UNC13B: variants seen among roughly 807,000 people sequenced by gnomAD.
UNC13B encodes the protein unc-13 homolog B.
In UNC13B, 144 loss-of-function variants were observed where a neutral mutation model predicts 211.0. The observed-to-expected ratio is 0.68, with a 90% CI of 0.60 to 0.78. The LOEUF (loss-of-function observed/expected upper bound fraction) is 0.78. Among genes scored for constraint, UNC13B ranks in the 30% least tolerant of loss-of-function variants. The pLI is 0.00. For synonymous variants in UNC13B, 709 were observed against 725.8 expected (o/e 0.98, Z 0.37); for missense variants, 1,777 against 2,002.0 (o/e 0.89, Z 2.14).
chr9:35,366,740 C>T (rs1364600919), intron 11 of UNC13B, among the ~76,000 whole-genome samples: 4 of 152,144 alleles, frequency 2.6e-5, no homozygotes, highest in African/African-American at 9.7e-5. Flanking sequence ...ATCTCCTATT[C>T]ACCAAGGAGA....
At chr9:35,180,281 G>T (rs1443209599) in intron 1 of UNC13B, among the ~76,000 whole-genome samples, 1 of 151,878 alleles carries the variant, frequency 6.6e-6, no homozygotes, top group East Asian at 1.9e-4. Flanking sequence ...CAAGGACAGG[G>T]TAGCATATTT....
chr9:35,354,181 A>T (rs1474687883), intron 11 of UNC13B, among the ~76,000 whole-genome samples: 2 of 152,196 alleles, frequency 1.3e-5, no homozygotes, highest in Non-Finnish European at 2.9e-5. Flanking sequence ...GGTGGGAGTG[A>T]GAGGCAGGAG....
At chr9:35,166,108 G>A (rs758264530) in intron 1 of UNC13B, among the ~76,000 whole-genome samples, 5 of 152,016 alleles carry the variant, frequency 3.3e-5, no homozygotes, top group East Asian at 1.9e-4. Context: ...CAGGCCAGTC[G>A]TGGTGGCTCT....
Position 35,370,382 on chromosome 9 carries a change from C to CT in UNC13B, c.9528dup (p.Val3177CysfsTer3). 1 of 1,613,916 alleles carries CT rather than the reference C, an allele frequency of 6.2e-7. No homozygotes were observed. Among genetic ancestry groups the CT allele is most frequent in the Non-Finnish European group, 8.5e-7 (1 of 1,179,964 alleles). Reference sequence around the variant, plus strand: ...TTTACGCAGAAAGAAGCCACTGCCACTTGTCAGTGATCTGGTGAGTGAAGA... The same window carrying CT: ...TTTACGCAGAAAGAAGCCACTGCCACTTTGTCAGTGATCTGGTGAGTGAAGA... On this transcript the variant is annotated frameshift_variant, in exon 13 of 40. Coordinates refer to ENST00000635942, the MANE Select transcript of UNC13B (RefSeq NM_001371189.2). LOFTEE classifies it high-confidence loss of function.
chr9:35,397,577 A>T, intron 29 of UNC13B, 58 bp from the exon 30 acceptor site: 2 of 1,556,146 alleles, frequency 1.3e-6, no homozygotes, highest in Non-Finnish European at 1.7e-6. Context: ...CTCAGGCAAG[A>T]TCCCCATAGA....
chr9:35,288,206 T>C (rs967372158), intron 7 of UNC13B, among the ~76,000 whole-genome samples: 2 of 152,148 alleles, frequency 1.3e-5, no homozygotes, highest in African/African-American at 2.4e-5. Context: ...CAGTCCTTTC[T>C]ACCCAACCAA....
chr9:35,184,491 C>T (rs1021293368), intron 1 of UNC13B, among the ~76,000 whole-genome samples: 6 of 152,128 alleles, frequency 3.9e-5, no homozygotes, highest in Non-Finnish European at 8.8e-5. Context: ...GCAGATCACT[C>T]GAGGTCAGGA....
chr9:35,203,443 T>C (rs1460588578), intron 1 of UNC13B, among the ~76,000 whole-genome samples: 1 of 152,250 alleles, frequency 6.6e-6, no homozygotes, highest in African/African-American at 2.4e-5. Context: ...TATGAAATTC[T>C]GGGTTGAAAA....
chr9:35,310,526 T>A lies in UNC13B; in HGVS notation c.9068T>A (p.Leu3023Gln). The A allele has an allele frequency of 6.2e-7, 1 of 1,614,134 alleles. No individual in the cohort carries two copies. The highest frequency in any genetic ancestry group is 1.1e-5 in the South Asian group (1 of 91,074). The change falls in exon 10 of 40, where the codon CTA becomes CAA. Residue 3023 changes from leucine to glutamine, a missense_variant. Physicochemically the swap from Leu to Gln is moderately radical, Grantham distance 113 (BLOSUM62 -2). Coordinates refer to ENST00000635942, the MANE Select transcript of UNC13B (RefSeq NM_001371189.2). ...AATGTGAGTCAAGGAAGCTCTCAGC[T>A]AAGTGAACTAGACCAGTATCACGAA... ...SCNVSQGSSQ[L>Q]SELDQYHEQD...
At chr9:35,185,944 AC>A (rs1208597417) in intron 1 of UNC13B, among the ~76,000 whole-genome samples, 65 of 151,716 alleles carry the variant, frequency 4.3e-4, no homozygotes, top group African/African-American at 1.5e-3. Context: ...AAAAAAAAAA[AC>A]AACACAGTAA....
At chr9:35,319,849 T>C (rs1289584699) in intron 11 of UNC13B, among the ~76,000 whole-genome samples, 3 of 152,014 alleles carry the variant, frequency 2.0e-5, no homozygotes, top group African/African-American at 7.2e-5. Flanking sequence ...TGTGTAGAGA[T>C]AGGGTCTCAT....
intron 6 of UNC13B, among the ~76,000 whole-genome samples, chr9:35,256,576 A>G (rs1230870810): frequency 6.6e-6 from 1 of 152,080 alleles, no homozygotes; most frequent in East Asian, 1.9e-4. Context: ...CTTTTTCTGC[A>G]TCTGTTTGAT....
chr9:35,228,602 A>C (rs530048011), intron 2 of UNC13B, among the ~76,000 whole-genome samples: 13 of 151,528 alleles, frequency 8.6e-5, no homozygotes, highest in African/African-American at 3.2e-4. Flanking sequence ...ATATGTATCT[A>C]TTGGGTCATA....
intron 1 of UNC13B, among the ~76,000 whole-genome samples, chr9:35,190,902 G>T (rs1822621345): frequency 6.6e-6 from 1 of 152,122 alleles, no homozygotes; most frequent in African/African-American, 2.4e-5. Context: ...TAACCTCACA[G>T]GTGAGACCAA....
chr9:35,338,077 G>A (rs893689065), intron 11 of UNC13B, among the ~76,000 whole-genome samples: 1 of 152,210 alleles, frequency 6.6e-6, no homozygotes, highest in Non-Finnish European at 1.5e-5. Flanking sequence ...ACCGGCATTA[G>A]TCCTAAATCT....
At chr9:35,352,953 T>C (rs1291733014) in intron 11 of UNC13B, 2 of 1,232,060 alleles carry the variant, frequency 1.6e-6, no homozygotes, top group Non-Finnish European at 2.0e-6. Flanking sequence ...TGCCTGTCAT[T>C]GTCTGGGTTA....
chr9:35,352,375 C>A, intron 11 of UNC13B: 1 of 1,232,186 alleles, frequency 8.1e-7, no homozygotes, highest in Non-Finnish European at 1.0e-6. Context: ...AGCATAGAGA[C>A]TTCATCTTGC....
rs920759368 is a variant in UNC13B at position 35,400,422 on chromosome 9, G to A, written c.12463G>A (p.Val4155Met). The change falls in exon 37 of 40, where the codon GTG becomes ATG. Residue 4155 changes from valine (V) to methionine (M), a missense_variant. Physicochemically the swap from Val to Met is conservative, Grantham distance 21. Transcript: ENST00000635942. ...QTTDTLIKTF[V>M]RSQTTQGSGV... ...TACTGACACTCTCATCAAGACCTTT[G>A]TGCGCTCGCAGACCACCCAAGGTAA... The A allele has an allele frequency of 2.5e-6, 4 of 1,613,404 alleles. No homozygotes were observed. Among genetic ancestry groups the A allele is most frequent in the Non-Finnish European group, 3.4e-6 (4 of 1,179,680 alleles).
At chr9:35,210,466 T>G (rs1212653359) in intron 1 of UNC13B, among the ~76,000 whole-genome samples, 3 of 152,204 alleles carry the variant, frequency 2.0e-5, no homozygotes, top group Non-Finnish European at 4.4e-5. Flanking sequence ...ACTGTTTGAC[T>G]TATTCCTACT....
Sources: allele counts gnomAD v4.1 joint callset (sites outside exome capture counted in the v4.1 genomes callset), GRCh38; gene constraint gnomAD v4.1.1; transcripts MANE v1.5; gene names NCBI Gene and HGNC (gene_info 2026-07-23, HGNC 2026-07-21).